The following NSD1 variants were observed in gnomAD, a reference collection of about 807,000 sequenced individuals.
NSD1 encodes histone-lysine N-methyltransferase, H3 lysine-36 specific.
In NSD1, 26 loss-of-function variants were observed where a neutral mutation model predicts 242.7. The ratio of observed to expected loss-of-function variants is 0.11; its 90% CI spans 0.08 to 0.15. NSD1 has a LOEUF of 0.15. Ranked by LOEUF, NSD1 falls within the 10% of genes least tolerant of loss-of-function variation. The probability of loss-of-function intolerance (pLI) is 1.00; values close to 1 mark genes in which losing one functional copy is unlikely to be tolerated. For synonymous variants in NSD1, 1,106 were observed against 1,178.1 expected, an observed-to-expected ratio of 0.94 and a Z score of 1.25; for missense variants, 2,495 against 3,272.8, an observed-to-expected ratio of 0.76 and a Z score of 5.80.
intron 3 of NSD1, among the ~76,000 whole-genome samples, chr5:177,196,320 T>C (rs1260372654): frequency 2.6e-5 from 4 of 152,222 alleles, no homozygotes; most frequent in African/African-American, 9.6e-5. Flanking sequence ...TCTGTTCATT[T>C]TAAAAGTTCA....
intron 5 of NSD1, among the ~76,000 whole-genome samples, chr5:177,212,904 C>T (rs1763472640): frequency 6.6e-6 from 1 of 152,130 alleles, no homozygotes; most frequent in African/African-American, 2.4e-5. Flanking sequence ...TGCTGGGATA[C>T]AGGCGTGAGC....
chr5:177,142,538 A>G (rs1756912567), intron 2 of NSD1, among the ~76,000 whole-genome samples: 1 of 152,192 alleles, frequency 6.6e-6, no homozygotes. Flanking sequence ...GGAATAGCAT[A>G]TGCAAGTGGC....
rs1399610890 is a variant in NSD1, at chr5:177,257,105, T to C, written c.4920T>C (p.Cys1640=). 6.2e-7 allele frequency: 1 copy of C among 1,614,168 alleles called. No homozygotes were observed. Among genetic ancestry groups the C allele is most frequent in the East Asian group, 2.2e-5 (1 of 44,888 alleles). The change falls in exon 13 of 23, where the codon TGT becomes TGC. Residue 1640 remains cysteine, a synonymous_variant. Coordinates refer to ENST00000439151, the MANE Select transcript of NSD1 (RefSeq NM_022455.5). ...NKGFRCSLHI[C]ITCHAANPAN... is the part of the protein sequence containing the mutation. ...GCTTCCGGTGCTCCCTCCACATCTG[T>C]ATAACCTGTCATGCTGCTAATCCAG...
rs566738196 is a variant in NSD1 at position 177,273,569 on chromosome 5, A to G, written c.5510-103A>G. The G allele has an allele frequency of 3.2e-5, 28 of 879,628 alleles. No individual in the cohort carries two copies. In the East Asian group the frequency reaches 6.2e-4, roughly 20 times the overall value. The allele number at this position is 879,628 out of a possible 1,614,324, so 54.5% of individuals were successfully genotyped here. ...GCATTGGTCGATTTTTGTGTAAAAC[A>G]TGGAGTTTCTCCAACTTAAAGGGGA... On this transcript the variant is annotated intron_variant, in intron 16 of 22. Transcript: ENST00000439151.
At chr5:177,213,086 A>C (rs976045926) in intron 5 of NSD1, among the ~76,000 whole-genome samples, 6 of 152,242 alleles carry the variant, frequency 3.9e-5, no homozygotes, top group African/African-American at 1.2e-4. Flanking sequence ...GAGGATTATG[A>C]ACAAATAAAA....
In NSD1 at chr5:177,299,486, T is replaced by TA. The variant is rs1214199127; in HGVS notation, c.*4028dup. On this transcript the variant is annotated 3_prime_UTR_variant, in exon 23 of 23. Coordinates refer to ENST00000439151, the MANE Select transcript of NSD1 (RefSeq NM_022455.5). ...GTCCACGCTGCCTGGAGCAGGTTGT[T>TA]AGAGAGCTCTGGTTGTTGGGTCTTC... 4 of 233,184 alleles carry TA rather than the reference T, an allele frequency of 1.7e-5. No homozygotes were observed. The highest frequency in any genetic ancestry group is 5.6e-5 in the Admixed American group (1 of 17,780). The allele number at this position is 233,184 out of a possible 1,614,324, so 14.4% of individuals were successfully genotyped here. A position where few individuals can be genotyped will look rare whatever the true frequency, so the allele number is the denominator to read the frequency against.
intron 2 of NSD1, among the ~76,000 whole-genome samples, chr5:177,176,898 G>A (rs1760252353): frequency 6.6e-6 from 1 of 152,130 alleles, no homozygotes; most frequent in South Asian, 2.1e-4. Flanking sequence ...TCAGAAGTGA[G>A]CTCATTAATT....
chr5:177,291,715 T>C (rs182138834), intron 21 of NSD1, among the ~76,000 whole-genome samples: 1 of 152,272 alleles, frequency 6.6e-6, no homozygotes, highest in East Asian at 1.9e-4. Context: ...AACACCAGCC[T>C]TATGGATCAG....
intron 17 of NSD1, among the ~76,000 whole-genome samples, chr5:177,277,111 G>A (rs1758456343): frequency 6.6e-6 from 1 of 151,692 alleles, no homozygotes; most frequent in Admixed American, 6.6e-5. Context: ...GAACTTAGAG[G>A]CCAACTTCTT....
At chr5:177,138,024 A>G (rs901644660) in intron 2 of NSD1, among the ~76,000 whole-genome samples, 1 of 151,872 alleles carries the variant, frequency 6.6e-6, no homozygotes, top group African/African-American at 2.4e-5. Context: ...GCAGTGAGCC[A>G]AGATTGCGCC....
In NSD1 at chr5:177,257,832, ATTTTATTTTATTTTT is replaced by A. The variant is rs1358323632; in HGVS notation, c.4966+686_4966+700del. Among the ~76,000 whole-genome samples the A allele has an allele frequency of 2.7e-5, 4 of 147,002 alleles. No individual in the cohort carries two copies. The East Asian group carries it at 8.1e-4, about 30-fold the overall frequency. On this transcript the variant is annotated intron_variant, in intron 13 of 22. Coordinates refer to ENST00000439151, the MANE Select transcript of NSD1 (RefSeq NM_022455.5). ...CTGGGCTTTTTTTTTATTTTATTTT[ATTTTATTTTATTTTT>A]TTTTGAGACGGAGTCTTGCTCTGTC... is the stretch of plus-strand genomic sequence containing the variant.
chr5:177,284,519 C>T (rs1759144874), intron 20 of NSD1, among the ~76,000 whole-genome samples: 1 of 152,048 alleles, frequency 6.6e-6, no homozygotes, highest in African/African-American at 2.4e-5. Context: ...AACTCCTGGG[C>T]TCAAGTGATC....
chr5:177,291,343 G>T (rs1759801318), intron 21 of NSD1, among the ~76,000 whole-genome samples: 1 of 152,188 alleles, frequency 6.6e-6, no homozygotes, highest in African/African-American at 2.4e-5. Context: ...GTTTAGTTCT[G>T]AAAGTAGACG....
At chr5:177,175,167 G>C (rs766201337) in intron 2 of NSD1, among the ~76,000 whole-genome samples, 2 of 152,106 alleles carry the variant, frequency 1.3e-5, no homozygotes, top group Non-Finnish European at 2.9e-5. Flanking sequence ...CACTACACCC[G>C]GCCTGACTTT....
chr5:177,270,990 G>A lies in NSD1; in HGVS notation c.5509+1183G>A, dbSNP rs557074875. Among the ~76,000 whole-genome samples, 196 of 152,214 alleles carry A rather than the reference G, an allele frequency of 1.3e-3. 1 individual carries two copies. Among genetic ancestry groups the A allele is most frequent in the Admixed American group, 2.3e-3 (35 of 15,284 alleles). The stretch of plus-strand genomic sequence containing the variant: ...GTAATCTCAGGTGGTCAGGGATAAA[G>A]TCGCCAGTATTTTGGCCTGCACAGA... On this transcript the variant is annotated intron_variant, in intron 16 of 22. Transcript: ENST00000439151.
chr5:177,172,324 G>T (rs1324431022), intron 2 of NSD1, among the ~76,000 whole-genome samples: 1 of 151,658 alleles, frequency 6.6e-6, no homozygotes, highest in African/African-American at 2.4e-5. Context: ...TTTGGAGTTT[G>T]TTTTTTTATA....
chr5:177,257,913 C>T (rs1756645776), intron 13 of NSD1, among the ~76,000 whole-genome samples: 2 of 149,888 alleles, frequency 1.3e-5, no homozygotes, highest in Non-Finnish European at 3.0e-5. Context: ...AGCCACTCAC[C>T]TCAGCCTCCC....
At chr5:177,221,255 G>A (rs1764210906) in intron 5 of NSD1, among the ~76,000 whole-genome samples, 1 of 150,656 alleles carries the variant, frequency 6.6e-6, no homozygotes, top group African/African-American at 2.4e-5. Flanking sequence ...CTGGTTTGTA[G>A]CTGTTTTGTC....
At chr5:177,278,186 G>A (rs943716362) in intron 17 of NSD1, among the ~76,000 whole-genome samples, 4 of 152,202 alleles carry the variant, frequency 2.6e-5, no homozygotes, top group African/African-American at 7.2e-5. Flanking sequence ...ACAGCATCTT[G>A]CTGGAGTGTC....
Sources: allele counts gnomAD v4.1 joint callset (sites outside exome capture counted in the v4.1 genomes callset), GRCh38; gene constraint gnomAD v4.1.1; transcripts MANE v1.5; gene names NCBI Gene and HGNC (gene_info 2026-07-23, HGNC 2026-07-21).